Variants in ARHGAP15 observed in about 807,000 individuals in gnomAD.
ARHGAP15 encodes the protein Rho GTPase activating protein 15, also known as rho GTPase-activating protein 15.
In ARHGAP15, 51 loss-of-function variants were observed where a neutral mutation model predicts 63.7. That is an observed-to-expected ratio of 0.80 (90% CI 0.64 to 1.01). The LOEUF is 1.01. ARHGAP15 is among the 50% of genes least tolerant of loss of function. The pLI is 0.00. For missense variants in ARHGAP15, 560 were observed against 564.6 expected (o/e 0.99, Z 0.08); for synonymous variants, 191 against 193.8 (o/e 0.99, Z 0.12).
intron 11 of ARHGAP15, among the ~76,000 whole-genome samples, chr2:143,557,441 A>C (rs1295614331): frequency 6.6e-6 from 1 of 152,126 alleles, no homozygotes; most frequent in Non-Finnish European, 1.5e-5. Flanking sequence ...GAGAGAGTAA[A>C]AGATGAGTGG....
intron 1 of ARHGAP15, among the ~76,000 whole-genome samples, chr2:143,151,822 C>A (rs776574760): frequency 6.6e-6 from 1 of 151,806 alleles, no homozygotes. Flanking sequence ...CTAGAAACAG[C>A]CCTGTCTAAT....
intron 12 of ARHGAP15, among the ~76,000 whole-genome samples, chr2:143,674,819 T>A (rs868170213): frequency 6.6e-6 from 1 of 152,212 alleles, no homozygotes; most frequent in African/African-American, 2.4e-5. Flanking sequence ...CAGTGAGTCA[T>A]AATCTTTTCG....
chr2:143,154,504 A>G (rs1490452388), intron 1 of ARHGAP15, among the ~76,000 whole-genome samples: 3 of 151,900 alleles, frequency 2.0e-5, no homozygotes, highest in African/African-American at 7.2e-5. Flanking sequence ...TTCACTGTAC[A>G]CAGTGCTCGG....
At chr2:143,157,876 T>A (rs1187257060) in intron 2 of ARHGAP15, among the ~76,000 whole-genome samples, 2 of 151,774 alleles carry the variant, frequency 1.3e-5, no homozygotes, top group Non-Finnish European at 2.9e-5. Flanking sequence ...AGGGGGAGAT[T>A]TTGAATTTAG....
At position 143,593,972 on chromosome 2, in the gene ARHGAP15, A is replaced by G. The variant is rs1362720740; in HGVS notation, c.1004-30161A>G. 3.9e-5 allele frequency among the ~76,000 whole-genome samples: 6 copies of G among 152,214 alleles called. No homozygotes were observed. The East Asian group carries it at 1.2e-3, about 29-fold the overall frequency. On this transcript the variant is annotated intron_variant, in intron 11 of 13. Transcript: ENST00000295095. ...CATCCCCTTATACTATTAATTGGAA[A>G]CTGATATATTATTTAACTCTTAAGC...
intron 8 of ARHGAP15, among the ~76,000 whole-genome samples, chr2:143,484,356 A>C (rs1370030287): frequency 2.9e-5 from 3 of 103,972 alleles, no homozygotes; most frequent in Non-Finnish European, 3.8e-5. Flanking sequence ...ACAGAGAGAG[A>C]CTCCATCTCA....
chr2:143,622,765 C>T (rs912705658), intron 11 of ARHGAP15, among the ~76,000 whole-genome samples: 12 of 110,482 alleles, frequency 1.1e-4, no homozygotes, highest in Admixed American at 3.7e-4. Flanking sequence ...GCCTTAGAAA[C>T]GATCGTTCAT....
intron 6 of ARHGAP15, among the ~76,000 whole-genome samples, chr2:143,353,275 G>GT (rs1685657355): frequency 6.6e-6 from 1 of 152,134 alleles, no homozygotes; most frequent in African/African-American, 2.4e-5. Flanking sequence ...GGACAACAAT[G>GT]TGAGATCCTG....
chr2:143,673,758 G>GTGTGTGTATATATATATATATA (rs1553520615), intron 12 of ARHGAP15, among the ~76,000 whole-genome samples: 10 of 22,124 alleles, frequency 4.5e-4, no homozygotes, highest in South Asian at 4.1e-3. Context: ...GTGTGTGTGT[G>GTGTGTGTATATATATATATATA]TATATATATA....
At chr2:143,298,250 T>A (rs1284490276) in intron 6 of ARHGAP15, among the ~76,000 whole-genome samples, 1 of 151,944 alleles carries the variant, frequency 6.6e-6, no homozygotes, top group Non-Finnish European at 1.5e-5. Context: ...CAATCCACAC[T>A]ATGAATTCCC....
chr2:143,729,496 A>G (rs1350768146), intron 13 of ARHGAP15, among the ~76,000 whole-genome samples: 1 of 152,200 alleles, frequency 6.6e-6, no homozygotes, highest in Non-Finnish European at 1.5e-5. Flanking sequence ...AGTCTTTACC[A>G]TCATTGCATA....
chr2:143,546,820 TCAATATCTTCCAGATA>T (rs1337142460), intron 10 of ARHGAP15, among the ~76,000 whole-genome samples: 3 of 152,218 alleles, frequency 2.0e-5, no homozygotes, highest in East Asian at 3.9e-4. Context: ...ACCTCCAACT[TCAATATCTTCCAGATA>T]CACTAAGTTT....
At chr2:143,506,741 T>C (rs990789464) in intron 9 of ARHGAP15, among the ~76,000 whole-genome samples, 2 of 152,136 alleles carry the variant, frequency 1.3e-5, no homozygotes, top group Non-Finnish European at 2.9e-5. Flanking sequence ...TGAAAATATG[T>C]TTCCCTCATA....
chr2:143,564,022 C>G (rs958428755), intron 11 of ARHGAP15: 1 of 152,264 alleles, frequency 6.6e-6, no homozygotes, highest in East Asian at 1.9e-4. Context: ...GGGTTCTCAT[C>G]TAGAGGCTCA....
chr2:143,372,796 G>C (rs926617977), intron 6 of ARHGAP15, among the ~76,000 whole-genome samples: 3 of 152,066 alleles, frequency 2.0e-5, no homozygotes, highest in African/African-American at 7.2e-5. Flanking sequence ...TTAAATTCCT[G>C]TCATATGCTA....
chr2:143,435,595 T>C lies in ARHGAP15; in HGVS notation c.475-6T>C. ...CTATTTCTTTTTCTTTTTTTTTTTT[T>C]TGCAGATCACAACAGTATCAGGAAA... On this transcript the variant is annotated splice_region_variant and splice_polypyrimidine_tract_variant and intron_variant, in intron 6 of 13. Coordinates refer to ENST00000295095, the MANE Select transcript of ARHGAP15 (RefSeq NM_018460.4). 1 of 1,538,206 alleles carries C rather than the reference T, an allele frequency of 6.5e-7. No individual in the cohort carries two copies. Among genetic ancestry groups the C allele is most frequent in the Non-Finnish European group, 8.6e-7 (1 of 1,156,830 alleles).
At chr2:143,347,440 G>C (rs971720337) in intron 6 of ARHGAP15, among the ~76,000 whole-genome samples, 3 of 152,062 alleles carry the variant, frequency 2.0e-5, no homozygotes, top group South Asian at 2.1e-4. Context: ...ATGGGTTTTC[G>C]GATGGGGAAT....
rs551645320 is a variant in ARHGAP15 at position 143,530,800 on chromosome 2, C to A, written c.925+11436C>A. On this transcript the variant is annotated intron_variant, in intron 10 of 13. Transcript: ENST00000295095. ...AAGTCCATTTGTATGATTCTTTTGT[C>A]CTCACAGATGTCCACAGTTCCTCCC... 2.0e-5 allele frequency among the ~76,000 whole-genome samples: 3 copies of A among 152,250 alleles called. No individual in the cohort carries two copies. In the South Asian group the frequency reaches 6.2e-4, roughly 32 times the overall value.
intron 6 of ARHGAP15, among the ~76,000 whole-genome samples, chr2:143,294,577 T>C (rs762665552): frequency 1.3e-5 from 2 of 151,982 alleles, no homozygotes; most frequent in African/African-American, 4.8e-5. Flanking sequence ...TTTCTCTACA[T>C]CAAGCCAGTG....
Sources: allele counts gnomAD v4.1 joint callset (sites outside exome capture counted in the v4.1 genomes callset), GRCh38; gene constraint gnomAD v4.1.1; transcripts MANE v1.5; gene names NCBI Gene and HGNC (gene_info 2026-07-23, HGNC 2026-07-21).